Variants in COCH observed in about 807,000 individuals in gnomAD.
COCH encodes the protein cochlin, also known as coagulation factor C homolog, cochlin (Limulus polyphemus).
A neutral mutation model predicts 54.8 loss-of-function variants in COCH; 40 were observed. The observed-to-expected ratio is 0.73, with a 90% CI of 0.57 to 0.95. The LOEUF (loss-of-function observed/expected upper bound fraction) is 0.95. Ranked by LOEUF, COCH falls within the 40% of genes least tolerant of loss-of-function variation. The pLI is 0.00. For synonymous variants in COCH, 256 were observed against 237.9 expected, an observed-to-expected ratio of 1.08 and a Z score of -0.70; for missense variants, 605 against 675.0, an observed-to-expected ratio of 0.90 and a Z score of 1.15.
chr14:30,879,931 G>A (rs1332202286), intron 6 of COCH, among the ~76,000 whole-genome samples: 2 of 152,198 alleles, frequency 1.3e-5, no homozygotes, highest in Non-Finnish European at 2.9e-5. Context: ...CCAAAGTTCA[G>A]GGATTACAGG....
intron 8 of COCH, 28 bp downstream of exon 8, chr14:30,880,762 T>A (rs1566409404): frequency 9.3e-6 from 14 of 1,511,548 alleles, no homozygotes; most frequent in East Asian, 2.3e-5. Context: ...ATGGGAGATT[T>A]AAAAAAAAAA....
In COCH at chr14:30,885,457, T is replaced by A; in HGVS notation, c.797T>A (p.Ile266Asn). The A allele has an allele frequency of 1.2e-6, 2 of 1,614,102 alleles. No individual in the cohort carries two copies. The highest frequency in any genetic ancestry group is 1.1e-5 in the South Asian group (1 of 91,082). ...FTVDAGVRKG[I>N]PKVVVVFIDG... Reference sequence around the variant, plus strand: ...GTAGATGCTGGAGTAAGAAAAGGGATCCCCAAAGTGGTGGTGGTATTTATT... The same window carrying A: ...GTAGATGCTGGAGTAAGAAAAGGGAACCCCAAAGTGGTGGTGGTATTTATT... Residue 266 changes from isoleucine to asparagine, a missense_variant, in exon 10 of 12, where the codon ATC (isoleucine) becomes AAC (asparagine). Coordinates refer to ENST00000396618, the MANE Select transcript of COCH (RefSeq NM_004086.3).
At chr14:30,883,423 C>T (rs1244747428) in intron 8 of COCH, among the ~76,000 whole-genome samples, 1 of 152,124 alleles carries the variant, frequency 6.6e-6, no homozygotes, top group African/African-American at 2.4e-5. Flanking sequence ...AATAGGTAAA[C>T]CATGTCAAGT....
downstream of COCH, chr14:30,894,893 C>CTTTTTT: frequency 1.3e-6 from 1 of 741,624 alleles, no homozygotes; most frequent in Admixed American, 4.6e-5. Flanking sequence ...TTTTCTTTTT[C>CTTTTTT]TTTTTTTTTT....
intron 5 of COCH, 30 bp downstream of exon 5, chr14:30,878,974 A>G (rs2138844601): frequency 6.2e-7 from 1 of 1,612,562 alleles, no homozygotes; most frequent in Non-Finnish European, 8.5e-7. Flanking sequence ...TCATTCTGTA[A>G]TATTCTCCCA....
rs779021334 is a variant in COCH, at chr14:30,885,560, T to C, written c.900T>C (p.Ser300=). 2.4e-5 allele frequency: 39 copies of C among 1,613,382 alleles called. No homozygotes were observed. The highest frequency in any genetic ancestry group is 3.0e-5 in the Non-Finnish European group (35 of 1,179,402). The part of the protein sequence containing the change: ...REFGVNVFIV[S]VAKPIPEELG... ...TTGGTGTCAATGTATTTATAGTTTC[T>C]GTGGCCAAGCCTATCCCTGAAGAAC... The change falls in exon 10 of 12, where the codon TCT becomes TCC. Residue 300 remains serine, a synonymous_variant. Coordinates refer to ENST00000396618, the MANE Select transcript of COCH (RefSeq NM_004086.3).
intron 1 of COCH, 158 bp from the exon 2 acceptor site, chr14:30,874,758 C>T: frequency 1.4e-6 from 1 of 695,078 alleles, no homozygotes; most frequent in South Asian, 1.7e-5. Flanking sequence ...GCCGAGGCGC[C>T]TCCCAGACCT....
At chr14:30,892,003 TA>T (rs1248661618), downstream of COCH, among the ~76,000 whole-genome samples, 3 of 152,194 alleles carry the variant, frequency 2.0e-5, no homozygotes, top group African/African-American at 7.2e-5. Context: ...CTTCAACAGG[TA>T]AGTTACCTAG....
rs532927106 is a variant in COCH, at chr14:30,889,938, C to T, written c.*147C>T. 15 of 1,406,864 alleles carry T rather than the reference C, an allele frequency of 1.1e-5. 2 individuals are homozygous for T. In the South Asian group the frequency reaches 2.1e-4, roughly 20 times the overall value. 87.1% of individuals were successfully genotyped at this position (1,406,864 alleles called of 1,614,324 possible). A position where few individuals can be genotyped will look rare whatever the true frequency, so the allele number is the denominator to read the frequency against. On this transcript the variant is annotated 3_prime_UTR_variant, in exon 12 of 12. Transcript: ENST00000396618. Reference sequence around the variant, plus strand: ...CAGCCATTTAGGCAAATAAGCACTCCTTTAAAGCCGCTGCCTTCTGGTTAC... The same window carrying T: ...CAGCCATTTAGGCAAATAAGCACTCTTTTAAAGCCGCTGCCTTCTGGTTAC...
chr14:30,894,181 G>A (rs980260531), downstream of COCH: 2 of 152,346 alleles, frequency 1.3e-5, no homozygotes, highest in East Asian at 1.9e-4. Context: ...GCAGATTTCT[G>A]TATCCTGATT....
intron 11 of COCH, 100 bp from the exon 12 acceptor site, chr14:30,889,516 T>A: frequency 9.5e-7 from 1 of 1,047,712 alleles, no homozygotes; most frequent in Non-Finnish European, 1.5e-6. Flanking sequence ...TAAGCAGTTT[T>A]CGCTGCAACT....
intron 11 of COCH, among the ~76,000 whole-genome samples, chr14:30,887,644 T>C (rs1436703504): frequency 6.6e-6 from 1 of 152,142 alleles, no homozygotes; most frequent in South Asian, 2.1e-4. Context: ...TCAATGGACT[T>C]GTTTTTTTTA....
At chr14:30,888,437 G>C in intron 11 of COCH, among the ~76,000 whole-genome samples, 2 of 152,196 alleles carry the variant, frequency 1.3e-5, no homozygotes, top group Admixed American at 1.3e-4. Context: ...AACTCCAAAA[G>C]TTATAGAAAA....
At chr14:30,882,156 G>A (rs1219215524) in intron 8 of COCH, among the ~76,000 whole-genome samples, 2 of 75,038 alleles carry the variant, frequency 2.7e-5, no homozygotes, top group Non-Finnish European at 4.7e-5. Flanking sequence ...TTGAGACGGA[G>A]TTTTGCTCTG....
In COCH at chr14:30,890,577, T is replaced by C. The variant is rs562000407; in HGVS notation, c.*786T>C. The C allele has an allele frequency of 2.4e-5, 23 of 969,850 alleles. No individual in the cohort carries two copies. In the African/African-American group the frequency reaches 3.7e-4, roughly 16 times the overall value. 60.1% of individuals were successfully genotyped at this position (969,850 alleles called of 1,614,324 possible). On this transcript the variant is annotated 3_prime_UTR_variant, in exon 12 of 12. Transcript: ENST00000396618. ...AATAACTGCAGAAAAAATATTGTAG[T>C]TTGAATATTTAAGCAATAAAACTGC...
rs1895907913 is a variant in COCH, at chr14:30,889,459, CTG to C, written c.1478-154_1478-153del. ...TCTTTTGCCACTCTCGTCACAATGA[CTG>C]TGAAAACTTAATTTGTTCAGGGGAT... On this transcript the variant is annotated intron_variant, in intron 11 of 11. Coordinates refer to ENST00000396618, the MANE Select transcript of COCH (RefSeq NM_004086.3). 4.5e-6 allele frequency: 3 copies of C among 673,198 alleles called. No individual in the cohort carries two copies. The South Asian group carries it at 5.5e-5, about 12-fold the overall frequency. The allele number at this position is 673,198 out of a possible 1,614,324, so 41.7% of individuals were successfully genotyped here. A position where few individuals can be genotyped will look rare whatever the true frequency, so the allele number is the denominator to read the frequency against.
At chr14:30,892,812 C>CA (rs953152690), downstream of COCH, among the ~76,000 whole-genome samples, 1,413 of 122,820 alleles carry the variant, frequency 0.012, 13 homozygotes, top group South Asian at 0.033. Context: ...CGCTCCATCT[C>CA]AAAAAAAAAA....
At chr14:30,893,135 C>T (rs770056628), downstream of COCH, among the ~76,000 whole-genome samples, 2 of 141,718 alleles carry the variant, frequency 1.4e-5, no homozygotes, top group East Asian at 3.9e-4. Context: ...CAATTACAAA[C>T]GGCAAAAACC....
intron 3 of COCH, among the ~76,000 whole-genome samples, chr14:30,876,874 T>C (rs915106166): frequency 6.6e-6 from 1 of 152,114 alleles, no homozygotes; most frequent in African/African-American, 2.4e-5. Flanking sequence ...TCATAGCTCA[T>C]TGCAAGCTTG....
Sources: allele counts gnomAD v4.1 joint callset (sites outside exome capture counted in the v4.1 genomes callset), GRCh38; gene constraint gnomAD v4.1.1; transcripts MANE v1.5; gene names NCBI Gene and HGNC (gene_info 2026-07-23, HGNC 2026-07-21).